The following UTRN variants were observed in gnomAD, a reference collection of about 807,000 sequenced individuals.
UTRN encodes the protein dystrophin-related protein 1.
In UTRN, 283 loss-of-function variants were observed where a neutral mutation model predicts 463.9. The observed-to-expected ratio is 0.61, with a 90% CI of 0.55 to 0.67. UTRN has a LOEUF of 0.67. Ranked by LOEUF, UTRN falls within the 30% of genes least tolerant of loss-of-function variation. UTRN has a pLI of 0.00. For synonymous variants in UTRN, 1,442 were observed against 1,431.5 expected, an observed-to-expected ratio of 1.01 and a Z score of -0.17; for missense variants, 3,922 against 4,084.3, an observed-to-expected ratio of 0.96 and a Z score of 1.08.
chr6:144,840,709 G>A, intron 72 of UTRN, 31 bp from the exon 73 acceptor site: 2 of 1,611,696 alleles, frequency 1.2e-6, no homozygotes, highest in Non-Finnish European at 1.7e-6. Context: ...AATTTGAGAA[G>A]CTTTGTTGTT....
chr6:144,367,124 C>G (rs1268589978), intron 2 of UTRN, among the ~76,000 whole-genome samples: 7 of 152,252 alleles, frequency 4.6e-5, no homozygotes, highest in Middle Eastern at 3.4e-3. Context: ...GCTGGGACTA[C>G]AGGCGCGTGC....
chr6:144,375,108 C>T (rs1780344345), intron 2 of UTRN, among the ~76,000 whole-genome samples: 2 of 152,164 alleles, frequency 1.3e-5, no homozygotes, highest in African/African-American at 4.8e-5. Context: ...TAGTAGTGCA[C>T]TATGCTAACA....
Position 144,554,668 on chromosome 6 carries a change from T to A in UTRN, c.6929-20T>A. The A allele has an allele frequency of 6.2e-7, 1 of 1,608,290 alleles. No individual in the cohort carries two copies. Among genetic ancestry groups the A allele is most frequent in the South Asian group, 1.1e-5 (1 of 89,544 alleles). On this transcript the variant is annotated intron_variant, in intron 48 of 74. Transcript: ENST00000367545. ...GGTTACATGTTGGGATTTTTTTTTC[T>A]TTTATAATGCTACCCTCAGTGGAAA...
At chr6:144,499,499 G>C (rs1793983080) in intron 34 of UTRN, 72 bp downstream of exon 34, 1 of 1,332,844 alleles carries the variant, frequency 7.5e-7, no homozygotes, top group Non-Finnish European at 1.0e-6. Flanking sequence ...CGACCTGGTT[G>C]GATACCATGT....
At chr6:144,741,656 A>T (rs1431299101) in intron 54 of UTRN, among the ~76,000 whole-genome samples, 1 of 152,088 alleles carries the variant, frequency 6.6e-6, no homozygotes, top group Non-Finnish European at 1.5e-5. Context: ...AAATCGCAAA[A>T]CTGCCACTAC....
intron 58 of UTRN, among the ~76,000 whole-genome samples, chr6:144,759,536 T>G (rs1792406792): frequency 6.6e-6 from 1 of 152,100 alleles, no homozygotes; most frequent in Non-Finnish European, 1.5e-5. Flanking sequence ...TGTGAAAATG[T>G]TAGGTTACAA....
At chr6:144,535,141 C>T (rs574972117) in intron 43 of UTRN, among the ~76,000 whole-genome samples, 4 of 152,292 alleles carry the variant, frequency 2.6e-5, no homozygotes, top group South Asian at 2.1e-4. Context: ...AGTGCAGTGG[C>T]GTGATCTCAG....
intron 23 of UTRN, among the ~76,000 whole-genome samples, chr6:144,466,017 C>A (rs566458804): frequency 7.2e-4 from 109 of 152,300 alleles, no homozygotes; most frequent in Middle Eastern, 3.4e-3. Flanking sequence ...TTTTCTTCCC[C>A]AATACCATTT....
rs140216954 is a variant in UTRN at position 144,337,612 on chromosome 6, T to C, written c.79+45705T>C. Among the ~76,000 whole-genome samples the C allele has an allele frequency of 3.3e-3, 501 of 152,200 alleles. 2 individuals carry two copies. Among genetic ancestry groups the C allele is most frequent in the Non-Finnish European group, 5.5e-3 (372 of 68,010 alleles). On this transcript the variant is annotated intron_variant, in intron 2 of 74. Coordinates refer to ENST00000367545, the MANE Select transcript of UTRN (RefSeq NM_007124.3). ...CTCCGTGTGGTTTGGAATACTTTATTGTTATTATTATTATTATTTTGAGAT... is the reference window on the plus strand; with the variant it reads ...CTCCGTGTGGTTTGGAATACTTTATCGTTATTATTATTATTATTTTGAGAT...
chr6:144,762,193 A>G (rs1792774625), intron 58 of UTRN, among the ~76,000 whole-genome samples: 1 of 152,212 alleles, frequency 6.6e-6, no homozygotes, highest in African/African-American at 2.4e-5. Context: ...TTGAGATTAC[A>G]CAGCTGGTAA....
intron 64 of UTRN, chr6:144,799,311 C>T (rs553411901): frequency 2.7e-6 from 1 of 366,832 alleles, no homozygotes; most frequent in South Asian, 2.2e-5. Context: ...GTTGGGAAGA[C>T]TAAAGTATTG....
At chr6:144,659,004 A>G (rs1220366584) in intron 51 of UTRN, among the ~76,000 whole-genome samples, 1 of 152,248 alleles carries the variant, frequency 6.6e-6, no homozygotes, top group Non-Finnish European at 1.5e-5. Context: ...AACAGTCTGA[A>G]TGACTTTCAG....
At chr6:144,354,415 G>A (rs1003301840) in intron 2 of UTRN, among the ~76,000 whole-genome samples, 14 of 152,194 alleles carry the variant, frequency 9.2e-5, no homozygotes, top group African/African-American at 3.4e-4. Context: ...AAGGCAGGTA[G>A]TCTGGTTTTC....
intron 2 of UTRN, among the ~76,000 whole-genome samples, chr6:144,367,129 G>A (rs1451536842): frequency 3.3e-5 from 5 of 151,916 alleles, no homozygotes; most frequent in South Asian, 2.1e-4. Flanking sequence ...GACTACAGGC[G>A]CGTGCCATCA....
intron 65 of UTRN, 118 bp from the exon 66 acceptor site, chr6:144,820,764 A>G: frequency 7.6e-7 from 1 of 1,320,010 alleles, no homozygotes; most frequent in Non-Finnish European, 1.0e-6. Flanking sequence ...AAAAATGCAT[A>G]AAACTACCAA....
intron 17 of UTRN, among the ~76,000 whole-genome samples, chr6:144,450,151 G>T (rs191671055): frequency 6.6e-6 from 1 of 151,998 alleles, no homozygotes. Flanking sequence ...GCCTGTTCTC[G>T]ACTCGTCTCT....
chr6:144,636,711 G>A (rs985595658), intron 51 of UTRN, among the ~76,000 whole-genome samples: 2 of 152,132 alleles, frequency 1.3e-5, no homozygotes, highest in Non-Finnish European at 2.9e-5. Flanking sequence ...GCTCACTCCA[G>A]TGCTATACAT....
rs747643794 is a variant in UTRN at position 144,482,210 on chromosome 6, G to A, written c.3509G>A (p.Arg1170Lys). 3 of 1,478,602 alleles carry A rather than the reference G, an allele frequency of 2.0e-6. No individual in the cohort carries two copies. Among genetic ancestry groups the A allele is most frequent in the Non-Finnish European group, 2.7e-6 (3 of 1,107,820 alleles). The allele number at this position is 1,478,602 out of a possible 1,614,324, so 91.6% of individuals were successfully genotyped here. The change falls in exon 27 of 75, where the codon AGG (arginine) becomes AAG (lysine). Residue 1170 changes from arginine (R) to lysine (K), a missense_variant and splice_region_variant. Transcript: ENST00000367545. ...TTCATCCATCCTTTCTTGGAACAGA[G>A]GGCAAAAGAGGATGTGTTGCAGAAG... Reference protein sequence around the residue: ...ELESAVEEMKRAKEDVLQKEV... With the variant: ...ELESAVEEMKKAKEDVLQKEV...
intron 69 of UTRN, among the ~76,000 whole-genome samples, chr6:144,833,951 T>C (rs2128759450): frequency 6.6e-6 from 1 of 152,324 alleles, no homozygotes; most frequent in South Asian, 2.1e-4. Flanking sequence ...TGGATTGCTT[T>C]CAAATGCTGC....
Sources: gnomAD v4.1 joint callset for allele counts (sites outside exome capture counted in the v4.1 genomes callset) on GRCh38, gnomAD v4.1.1 for gene constraint, MANE v1.5 for transcripts, NCBI Gene and HGNC (gene_info 2026-07-23, HGNC 2026-07-21) for gene names.